LOC128462377: variants seen among roughly 807,000 people sequenced by gnomAD.
the LOC128462377 span, among the ~76,000 whole-genome samples, chr16:89,414,429 C>T: frequency 2.6e-5 from 4 of 152,166 alleles, no homozygotes; most frequent in African/African-American, 9.7e-5. Context: ...GTCACGCAGC[C>T]GCACCGCCTG....
the LOC128462377 span, among the ~76,000 whole-genome samples, chr16:89,411,850 T>C: frequency 6.6e-6 from 1 of 152,206 alleles, no homozygotes; most frequent in African/African-American, 2.4e-5. Context: ...AGGAATCCAA[T>C]GGCCAGTAAC....
the LOC128462377 span, among the ~76,000 whole-genome samples, chr16:89,403,971 G>C: frequency 1.3e-5 from 2 of 152,122 alleles, no homozygotes. Context: ...GGCACAGAAA[G>C]GAGCAAGATT....
chr16:89,372,537 G>T, the LOC128462377 span, among the ~76,000 whole-genome samples: 1 of 152,188 alleles, frequency 6.6e-6, no homozygotes, highest in African/African-American at 2.4e-5. Context: ...ACTGAAACAT[G>T]AGCTGATAAA....
At chr16:89,319,541 A>G in the LOC128462377 span, among the ~76,000 whole-genome samples, 1 of 152,204 alleles carries the variant, frequency 6.6e-6, no homozygotes, top group Non-Finnish European at 1.5e-5. Flanking sequence ...TGGCCCTTCC[A>G]GGACCCTCGT....
the LOC128462377 span, among the ~76,000 whole-genome samples, chr16:89,399,260 C>T: frequency 6.6e-6 from 1 of 152,038 alleles, no homozygotes; most frequent in African/African-American, 2.4e-5. Context: ...TAAGAGAAGC[C>T]CAGAGAGACA....
chr16:89,403,051 C>G, the LOC128462377 span, among the ~76,000 whole-genome samples: 1 of 152,182 alleles, frequency 6.6e-6, no homozygotes, highest in South Asian at 2.1e-4. Flanking sequence ...CCTCGCTCAA[C>G]TGCGTGGTGG....
chr16:89,327,081 T>G, the LOC128462377 span, among the ~76,000 whole-genome samples: 574 of 142,212 alleles, frequency 4.0e-3, 6 homozygotes, highest in African/African-American at 0.013. Context: ...ATGCAGAGGT[T>G]GGAAATGCAG....
the LOC128462377 span, among the ~76,000 whole-genome samples, chr16:89,389,346 A>C: frequency 6.6e-6 from 1 of 152,156 alleles, no homozygotes; most frequent in African/African-American, 2.4e-5. Flanking sequence ...TGTAAACCTA[A>C]AATTTTTCAA....
the LOC128462377 span, among the ~76,000 whole-genome samples, chr16:89,383,704 G>A: frequency 7.8e-4 from 119 of 151,638 alleles, no homozygotes; most frequent in African/African-American, 2.8e-3. Flanking sequence ...CCCTGCCCTC[G>A]GACCAGCAAC....
the LOC128462377 span, among the ~76,000 whole-genome samples, chr16:89,415,314 G>A: frequency 5.0e-5 from 7 of 141,402 alleles, no homozygotes; most frequent in Admixed American, 1.4e-4. Context: ...GCCCAGGCTG[G>A]AGCGCAGTGG....
At chr16:89,363,774 A>T in the LOC128462377 span, among the ~76,000 whole-genome samples, 1 of 152,228 alleles carries the variant, frequency 6.6e-6, no homozygotes, top group African/African-American at 2.4e-5. Flanking sequence ...GTGGAGTGCT[A>T]GCCCTATGCG....
At chr16:89,339,364 C>A in the LOC128462377 span, among the ~76,000 whole-genome samples, 42 of 145,570 alleles carry the variant, frequency 2.9e-4, no homozygotes, top group African/African-American at 1.1e-3. Context: ...AGCAAACAAA[C>A]AAACAAACAA....
the LOC128462377 span, among the ~76,000 whole-genome samples, chr16:89,335,086 C>T: frequency 1.2e-4 from 19 of 152,190 alleles, no homozygotes; most frequent in Non-Finnish European, 5.9e-5. Flanking sequence ...AAACGACTAA[C>T]ACTGATTGCT....
chr16:89,417,201 G>C, the LOC128462377 span, among the ~76,000 whole-genome samples: 1 of 152,222 alleles, frequency 6.6e-6, no homozygotes, highest in Non-Finnish European at 1.5e-5. Context: ...AGGCGACTGA[G>C]ATAAGGAACA....
the LOC128462377 span, among the ~76,000 whole-genome samples, chr16:89,375,237 T>C: frequency 6.6e-6 from 1 of 152,122 alleles, no homozygotes; most frequent in African/African-American, 2.4e-5. Flanking sequence ...GTGACACTAA[T>C]CGTCTCCGCG....
At chr16:89,333,290 G>A in the LOC128462377 span, among the ~76,000 whole-genome samples, 2 of 152,212 alleles carry the variant, frequency 1.3e-5, no homozygotes, top group Admixed American at 6.5e-5. Context: ...ATGAAGTACA[G>A]AGGGTTCCCC....
chr16:89,358,319 G>A, the LOC128462377 span, among the ~76,000 whole-genome samples: 1 of 152,122 alleles, frequency 6.6e-6, no homozygotes, highest in Non-Finnish European at 1.5e-5. Context: ...CATCACAGCT[G>A]CATATTCACG....
chr16:89,366,062 G>A, the LOC128462377 span, among the ~76,000 whole-genome samples: 1 of 150,856 alleles, frequency 6.6e-6, no homozygotes, highest in Admixed American at 6.6e-5. Context: ...CCTGGAAGGT[G>A]GAGGTTGCAG....
chr16:89,396,147 A>G, the LOC128462377 span: 1 of 152,254 alleles, frequency 6.6e-6, no homozygotes, highest in Non-Finnish European at 1.5e-5. Flanking sequence ...GCTTTCAAAG[A>G]TAAGAATTTT....
Sources: allele counts gnomAD v4.1 joint callset (sites outside exome capture counted in the v4.1 genomes callset), GRCh38; gene constraint gnomAD v4.1.1; transcripts MANE v1.5.